GAN: variants seen among roughly 807,000 people sequenced by gnomAD.
GAN encodes the protein epididymis secretory sperm binding protein.
GAN carries 48 observed loss-of-function variants against 71.3 expected under a neutral mutation model. The ratio of observed to expected loss-of-function variants is 0.67; its 90% CI spans 0.53 to 0.86. GAN has a LOEUF of 0.86. Ranked by LOEUF, GAN falls within the 40% of genes least tolerant of loss-of-function variation. The pLI, the probability that GAN is intolerant of heterozygous loss-of-function variation, is 0.00. For synonymous variants in GAN, 386 were observed against 276.8 expected (o/e 1.39, Z -3.92); for missense variants, 928 against 770.1 (o/e 1.21, Z -2.43).
At chr16:81,319,504 G>A (rs4468614) in intron 1 of GAN, among the ~76,000 whole-genome samples, 142,567 of 152,166 alleles carry the variant, frequency 0.94, 66,880 homozygotes, top group Middle Eastern at 0.98. Context: ...GAAAATGAAC[G>A]GCTATGTGCT....
At chr16:81,331,139 A>C (rs1232890545) in intron 1 of GAN, among the ~76,000 whole-genome samples, 1 of 152,248 alleles carries the variant, frequency 6.6e-6, no homozygotes, top group African/African-American at 2.4e-5. Context: ...CAGAAGTTTG[A>C]GGCTGCAGTG....
intron 9 of GAN, among the ~76,000 whole-genome samples, chr16:81,373,540 T>C (rs1904274426): frequency 6.6e-6 from 1 of 152,228 alleles, no homozygotes; most frequent in Non-Finnish European, 1.5e-5. Context: ...CAGCTTCTCC[T>C]AGTGTTAACA....
At chr16:81,333,490 C>G (rs1025832057) in intron 1 of GAN, among the ~76,000 whole-genome samples, 8 of 152,034 alleles carry the variant, frequency 5.3e-5, no homozygotes, top group Non-Finnish European at 5.9e-5. Flanking sequence ...TTAGGGACAA[C>G]TGGGGAGGAA....
chr16:81,351,418 T>G (rs1910295422), intron 1 of GAN, among the ~76,000 whole-genome samples, 165 bp from the exon 2 acceptor site: 1 of 152,214 alleles, frequency 6.6e-6, no homozygotes, highest in Non-Finnish European at 1.5e-5. Flanking sequence ...GTTTTGTAGT[T>G]GAAAGTTATA....
At chr16:81,365,966 A>G (rs529239347) in intron 9 of GAN, among the ~76,000 whole-genome samples, 9 of 152,208 alleles carry the variant, frequency 5.9e-5, no homozygotes, top group Non-Finnish European at 1.5e-5. Context: ...ACTGACCCAG[A>G]TACTTTATAC....
intron 1 of GAN, among the ~76,000 whole-genome samples, chr16:81,329,156 T>C (rs559309906): frequency 6.6e-6 from 1 of 152,264 alleles, no homozygotes; most frequent in South Asian, 2.1e-4. Context: ...CCACCCTTTT[T>C]CTCCTGTTGT....
At chr16:81,335,455 A>G (rs572011853) in intron 1 of GAN, among the ~76,000 whole-genome samples, 1 of 152,068 alleles carries the variant, frequency 6.6e-6, no homozygotes, top group Admixed American at 6.5e-5. Context: ...TGTGTCTACT[A>G]AAAATACATG....
At chr16:81,341,383 G>C (rs1183405872) in intron 1 of GAN, among the ~76,000 whole-genome samples, 1 of 152,234 alleles carries the variant, frequency 6.6e-6, no homozygotes, top group East Asian at 1.9e-4. Context: ...AGGGCAGCCA[G>C]AGAGAAAGGT....
intron 1 of GAN, among the ~76,000 whole-genome samples, chr16:81,328,667 C>G (rs1430150097): frequency 7.9e-6 from 1 of 126,482 alleles, no homozygotes; most frequent in Non-Finnish European, 1.7e-5. Context: ...TTTTTTAGAT[C>G]TATCACCATT....
At position 81,388,496 on chromosome 16, in the gene GAN, C is replaced by G. The variant is rs978483061; in HGVS notation, c.*10900C>G. On this transcript the variant is annotated 3_prime_UTR_variant, in exon 11 of 11. Transcript: ENST00000648994. ...CACCGCCAAGGACACATCCCAGCGC[C>G]TTAGGCACCTGTAGGCTAGAATGAC... 1.3e-5 allele frequency: 2 copies of G among 152,496 alleles called. No homozygotes were observed. The highest frequency in any genetic ancestry group is 2.9e-5 in the Non-Finnish European group (2 of 68,262). 9.4% of individuals were successfully genotyped at this position (152,496 alleles called of 1,614,324 possible).
intron 1 of GAN, among the ~76,000 whole-genome samples, chr16:81,341,763 G>A (rs550490096): frequency 3.0e-4 from 45 of 152,224 alleles, no homozygotes; most frequent in African/African-American, 1.0e-3. Context: ...ATAGTGACAG[G>A]ATCAAATTCA....
At chr16:81,349,135 C>T (rs755746139) in intron 1 of GAN, among the ~76,000 whole-genome samples, 1 of 152,172 alleles carries the variant, frequency 6.6e-6, no homozygotes, top group Non-Finnish European at 1.5e-5. Context: ...GGAAATTCAA[C>T]TATTTCCTAA....
At chr16:81,320,507 G>A (rs751784813) in intron 1 of GAN, among the ~76,000 whole-genome samples, 1 of 152,220 alleles carries the variant, frequency 6.6e-6, no homozygotes, top group South Asian at 2.1e-4. Context: ...TGATTTCACA[G>A]TAATGTTCAG....
chr16:81,331,797 G>T lies in GAN; in HGVS notation c.167+16517G>T, dbSNP rs185193058. 2.0e-5 allele frequency among the ~76,000 whole-genome samples: 3 copies of T among 152,200 alleles called. No individual in the cohort carries two copies. In the East Asian group the frequency reaches 5.8e-4, roughly 29 times the overall value. On this transcript the variant is annotated intron_variant, in intron 1 of 10. Transcript: ENST00000648994. The stretch of plus-strand genomic sequence containing the variant: ...TTTGGGAAGCAAGAATTACATTTTG[G>T]GCCGTACGCCCAGACTGGGGTCTTC...
At position 81,381,681 on chromosome 16, in the gene GAN, G is replaced by A. The variant is rs1199675609; in HGVS notation, c.*4085G>A. ...TAAACCCACTATGGAACGGGCAAGG[G>A]CCCCGTCTTTGTCATCTGCCAGTCT... is the stretch of plus-strand genomic sequence containing the variant. On this transcript the variant is annotated 3_prime_UTR_variant, in exon 11 of 11. Transcript: ENST00000648994. 2.0e-5 allele frequency: 3 copies of A among 152,258 alleles called. No homozygotes were observed. The highest frequency in any genetic ancestry group is 4.4e-5 in the Non-Finnish European group (3 of 68,068). The allele number at this position is 152,258 out of a possible 1,614,324, so 9.4% of individuals were successfully genotyped here.
At chr16:81,370,010 A>G (rs961255931) in intron 9 of GAN, among the ~76,000 whole-genome samples, 1 of 152,222 alleles carries the variant, frequency 6.6e-6, no homozygotes, top group Non-Finnish European at 1.5e-5. Context: ...CAACCTTAGT[A>G]TGGCAGCCGT....
At chr16:81,371,639 C>G (rs1045551124) in intron 9 of GAN, among the ~76,000 whole-genome samples, 2 of 152,164 alleles carry the variant, frequency 1.3e-5, no homozygotes, top group African/African-American at 4.8e-5. Context: ...TTCTCTACCT[C>G]TCCTCTTTCT....
At position 81,315,092 on chromosome 16, in the gene GAN, C is replaced by G. The variant is rs1357535787; in HGVS notation, c.-22C>G. 1.4e-6 allele frequency: 2 copies of G among 1,470,094 alleles called. No individual in the cohort carries two copies. Among genetic ancestry groups the G allele is most frequent in the Non-Finnish European group, 1.8e-6 (2 of 1,105,520 alleles). The allele number at this position is 1,470,094 out of a possible 1,614,324, so 91.1% of individuals were successfully genotyped here. On this transcript the variant is annotated 5_prime_UTR_variant, in exon 1 of 11. Transcript: ENST00000648994. Reference sequence around the variant, plus strand: ...GGACGGTGTCGGGAGCCGGACCCGTCGGCAGAGGAGCGGGCGCCGCGATGG... The same window carrying G: ...GGACGGTGTCGGGAGCCGGACCCGTGGGCAGAGGAGCGGGCGCCGCGATGG...
At chr16:81,373,850 C>A (rs1277644995) in intron 9 of GAN, among the ~76,000 whole-genome samples, 1 of 152,218 alleles carries the variant, frequency 6.6e-6, no homozygotes, top group South Asian at 2.1e-4. Flanking sequence ...TCAAGTGATT[C>A]TCCTGCCTCA....
Sources: allele counts gnomAD v4.1 joint callset (sites outside exome capture counted in the v4.1 genomes callset), GRCh38; gene constraint gnomAD v4.1.1; transcripts MANE v1.5; gene names NCBI Gene and HGNC (gene_info 2026-07-23, HGNC 2026-07-21).